Variants in PCSK2 observed in about 807,000 individuals in gnomAD.
PCSK2 encodes neuroendocrine convertase 2.
In PCSK2, 14 loss-of-function variants were observed where a neutral mutation model predicts 69.7. The ratio of observed to expected loss-of-function variants is 0.20; its 90% CI spans 0.13 to 0.31. PCSK2 has a LOEUF of 0.31. PCSK2 is among the 10% of genes least tolerant of loss of function. The pLI is 1.00. For synonymous variants in PCSK2, 307 were observed against 320.7 expected, an observed-to-expected ratio of 0.96 and a Z score of 0.46; for missense variants, 544 against 842.5, an observed-to-expected ratio of 0.65 and a Z score of 4.39.
At chr20:17,451,247 T>C (rs1221159305) in intron 8 of PCSK2, among the ~76,000 whole-genome samples, 1 of 152,228 alleles carries the variant, frequency 6.6e-6, no homozygotes, top group Non-Finnish European at 1.5e-5. Context: ...GCTCTCTGTG[T>C]AACAGTGAGC....
At chr20:17,402,330 A>T (rs2031655980) in intron 5 of PCSK2, among the ~76,000 whole-genome samples, 1 of 152,364 alleles carries the variant, frequency 6.6e-6, no homozygotes, top group South Asian at 2.1e-4. Context: ...AAGTCTGCTG[A>T]TAATGGTGGC....
At chr20:17,337,802 G>A (rs563452782) in intron 2 of PCSK2, among the ~76,000 whole-genome samples, 26 of 151,822 alleles carry the variant, frequency 1.7e-4, no homozygotes, top group African/African-American at 6.3e-4. Context: ...GGTGGTGCAT[G>A]CCTGTAGTCC....
intron 2 of PCSK2, among the ~76,000 whole-genome samples, chr20:17,266,962 C>T (rs1987634392): frequency 6.6e-6 from 1 of 152,098 alleles, no homozygotes; most frequent in Admixed American, 6.5e-5. Context: ...GGAGAGTGCA[C>T]CACAGTTTTC....
intron 1 of PCSK2, 53 bp downstream of exon 1, chr20:17,227,535 G>A (rs1018364491): frequency 1.7e-5 from 23 of 1,389,106 alleles, no homozygotes; most frequent in African/African-American, 2.9e-5. Flanking sequence ...GGACGGGGGG[G>A]CAGCCCTGCG....
At chr20:17,430,708 A>C (rs1285730076) in intron 7 of PCSK2, among the ~76,000 whole-genome samples, 1 of 152,224 alleles carries the variant, frequency 6.6e-6, no homozygotes, top group Non-Finnish European at 1.5e-5. Flanking sequence ...AGGGGAAAGA[A>C]TATCACTCGG....
chr20:17,393,928 T>C (rs2031448682), intron 5 of PCSK2, among the ~76,000 whole-genome samples: 1 of 152,244 alleles, frequency 6.6e-6, no homozygotes, highest in African/African-American at 2.4e-5. Context: ...GAAAGCTGAA[T>C]GTTTAAAGAT....
intron 5 of PCSK2, among the ~76,000 whole-genome samples, chr20:17,373,574 G>A (rs1400633754): frequency 2.0e-5 from 3 of 152,104 alleles, no homozygotes; most frequent in South Asian, 4.1e-4. Flanking sequence ...AAATAGACAT[G>A]TTCTATGTTG....
At chr20:17,342,819 T>A (rs1990545103) in intron 2 of PCSK2, among the ~76,000 whole-genome samples, 1 of 151,678 alleles carries the variant, frequency 6.6e-6, no homozygotes, top group Non-Finnish European at 1.5e-5. Context: ...TTTCTTTTCC[T>A]TTTTTTCTTT....
At chr20:17,455,220 G>C (rs943908413) in intron 9 of PCSK2, among the ~76,000 whole-genome samples, 2 of 152,046 alleles carry the variant, frequency 1.3e-5, no homozygotes, top group African/African-American at 4.8e-5. Flanking sequence ...TGAGTTTCCT[G>C]TGAGTACTAT....
At chr20:17,451,766 G>A (rs2032826926) in intron 8 of PCSK2, among the ~76,000 whole-genome samples, 1 of 152,134 alleles carries the variant, frequency 6.6e-6, no homozygotes, top group African/African-American at 2.4e-5. Context: ...CCCACACAAA[G>A]AAGAGAATGT....
rs568482750 is a variant in PCSK2, at chr20:17,413,127, C to T, written c.620+3788C>T. ...GCTAGGAAGAAACTGCATCAACTAA[C>T]GGGCAAAATAACCAGCTAACATCAT... On this transcript the variant is annotated intron_variant, in intron 6 of 11. Coordinates refer to ENST00000262545, the MANE Select transcript of PCSK2 (RefSeq NM_002594.5). Among the ~76,000 whole-genome samples, 58 of 152,230 alleles carry T rather than the reference C, an allele frequency of 3.8e-4. 1 individual carries two copies. Among genetic ancestry groups the T allele is most frequent in the Middle Eastern group, 6.8e-3 (2 of 294 alleles).
At chr20:17,447,766 C>T (rs1012844235) in intron 8 of PCSK2, among the ~76,000 whole-genome samples, 1 of 151,912 alleles carries the variant, frequency 6.6e-6, no homozygotes, top group Non-Finnish European at 1.5e-5. Flanking sequence ...AAATAAATTG[C>T]GGAATGGCTA....
At chr20:17,448,880 T>C (rs1487031784) in intron 8 of PCSK2, among the ~76,000 whole-genome samples, 1 of 147,394 alleles carries the variant, frequency 6.8e-6, no homozygotes, top group African/African-American at 2.5e-5. Context: ...TAATTTCACC[T>C]AAATGCACTT....
intron 11 of PCSK2, among the ~76,000 whole-genome samples, chr20:17,479,774 G>A (rs1337690862): frequency 7.1e-6 from 1 of 140,310 alleles, no homozygotes; most frequent in Non-Finnish European, 1.5e-5. Context: ...TCCAGCCTGG[G>A]CGACAGAGCA....
intron 2 of PCSK2, among the ~76,000 whole-genome samples, chr20:17,305,274 T>G (rs1249829535): frequency 6.6e-6 from 1 of 152,238 alleles, no homozygotes; most frequent in Admixed American, 6.5e-5. Flanking sequence ...TATCAGAAGA[T>G]TCTGTCGCTT....
At chr20:17,229,599 A>C (rs1360909346) in intron 1 of PCSK2, among the ~76,000 whole-genome samples, 2 of 151,848 alleles carry the variant, frequency 1.3e-5, no homozygotes, top group African/African-American at 4.8e-5. Flanking sequence ...CTGATTTTGC[A>C]TCACAACCTG....
chr20:17,245,437 C>T (rs1178835380), intron 1 of PCSK2, among the ~76,000 whole-genome samples: 1 of 152,132 alleles, frequency 6.6e-6, no homozygotes, highest in Non-Finnish European at 1.5e-5. Flanking sequence ...TGTGAAGATA[C>T]TAGCATGTAA....
At chr20:17,455,608 C>G (rs977215906) in intron 9 of PCSK2, among the ~76,000 whole-genome samples, 3 of 152,150 alleles carry the variant, frequency 2.0e-5, no homozygotes, top group African/African-American at 7.2e-5. Context: ...TTCTTTCCCC[C>G]AAGAAGGAAA....
chr20:17,363,502 G>T (rs2123219509), intron 4 of PCSK2, among the ~76,000 whole-genome samples: 1 of 152,294 alleles, frequency 6.6e-6, no homozygotes, highest in African/African-American at 2.4e-5. Context: ...TTACTGTAAT[G>T]GAATTGTTTA....
Sources: gnomAD v4.1 joint callset for allele counts (sites outside exome capture counted in the v4.1 genomes callset) on GRCh38, gnomAD v4.1.1 for gene constraint, MANE v1.5 for transcripts, NCBI Gene and HGNC (gene_info 2026-07-23, HGNC 2026-07-21) for gene names.